DSCAM: variants seen among roughly 807,000 people sequenced by gnomAD.
The protein encoded by DSCAM is cell adhesion molecule DSCAM.
DSCAM carries 47 observed loss-of-function variants against 217.7 expected under a neutral mutation model. The observed-to-expected ratio is 0.22, with a 90% CI of 0.17 to 0.28. The LOEUF is 0.28. Ranked by LOEUF, DSCAM falls within the 10% of genes least tolerant of loss-of-function variation. The pLI is 1.00. For missense variants in DSCAM, 2,080 were observed against 2,618.3 expected (o/e 0.79, Z 4.49); for synonymous variants, 1,056 against 1,015.3 (o/e 1.04, Z -0.76).
chr21:40,734,881 A>C (rs913378263), intron 1 of DSCAM, among the ~76,000 whole-genome samples: 3 of 152,116 alleles, frequency 2.0e-5, no homozygotes, highest in Non-Finnish European at 4.4e-5. Context: ...GAATGTTCTC[A>C]TGTATTTATG....
intron 21 of DSCAM, among the ~76,000 whole-genome samples, chr21:40,092,029 C>G (rs1177756134): frequency 1.3e-5 from 2 of 152,166 alleles, no homozygotes; most frequent in Non-Finnish European, 2.9e-5. Flanking sequence ...AGGGAGTGAA[C>G]ACATCTCTTA....
At chr21:40,138,701 ATGTGTGGTG>A (rs567097048) in intron 18 of DSCAM, among the ~76,000 whole-genome samples, 168 of 124,922 alleles carry the variant, frequency 1.3e-3, no homozygotes, top group African/African-American at 5.0e-3. Context: ...TGTGTGGTGT[ATGTGTGGTG>A]TGTGTGGTGT....
At chr21:40,515,416 T>C (rs186450310) in intron 3 of DSCAM, among the ~76,000 whole-genome samples, 7 of 152,342 alleles carry the variant, frequency 4.6e-5, no homozygotes, top group East Asian at 1.9e-4. Flanking sequence ...AAAACACTTA[T>C]TGTTACTGCT....
intron 1 of DSCAM, among the ~76,000 whole-genome samples, chr21:40,815,180 G>T (rs994655693): frequency 6.6e-6 from 1 of 151,934 alleles, no homozygotes; most frequent in African/African-American, 2.4e-5. Flanking sequence ...AAAGAAAAAA[G>T]GTAACCCCAA....
At chr21:40,136,562 C>T (rs898991478) in intron 18 of DSCAM, among the ~76,000 whole-genome samples, 1 of 152,186 alleles carries the variant, frequency 6.6e-6, no homozygotes, top group Non-Finnish European at 1.5e-5. Context: ...GATTTAGAAA[C>T]TTCACTGTCA....
chr21:40,611,800 C>T (rs1347997528), intron 3 of DSCAM, among the ~76,000 whole-genome samples: 3 of 152,026 alleles, frequency 2.0e-5, no homozygotes, highest in Admixed American at 6.5e-5. Context: ...GAAGCATATA[C>T]TAAATCACAC....
chr21:40,778,420 G>C (rs1295184539), intron 1 of DSCAM, among the ~76,000 whole-genome samples: 1 of 152,188 alleles, frequency 6.6e-6, no homozygotes, highest in Non-Finnish European at 1.5e-5. Flanking sequence ...CCAGAAGCAT[G>C]TAGGTTTTGA....
intron 3 of DSCAM, among the ~76,000 whole-genome samples, chr21:40,654,950 G>T (rs958349746): frequency 1.3e-5 from 2 of 152,144 alleles, no homozygotes; most frequent in Non-Finnish European, 2.9e-5. Flanking sequence ...TCCACCAGGG[G>T]TTAAGGATAC....
intron 3 of DSCAM, among the ~76,000 whole-genome samples, chr21:40,498,233 T>C (rs2076134885): frequency 6.6e-6 from 1 of 152,160 alleles, no homozygotes; most frequent in African/African-American, 2.4e-5. Flanking sequence ...GTCAATTGTA[T>C]ATGAAGGCAA....
intron 11 of DSCAM, among the ~76,000 whole-genome samples, chr21:40,225,438 C>A (rs1428681388): frequency 6.6e-6 from 1 of 152,148 alleles, no homozygotes; most frequent in Non-Finnish European, 1.5e-5. Flanking sequence ...CACTCAAATA[C>A]TCTACAATTT....
intron 11 of DSCAM, among the ~76,000 whole-genome samples, chr21:40,199,692 G>A (rs1234315483): frequency 6.6e-6 from 1 of 152,018 alleles, no homozygotes; most frequent in Non-Finnish European, 1.5e-5. Context: ...TAGCCATTCT[G>A]ACTATTCTCA....
intron 15 of DSCAM, among the ~76,000 whole-genome samples, chr21:40,173,865 G>GTCAAA (rs779559253): frequency 2.4e-4 from 37 of 152,296 alleles, no homozygotes; most frequent in African/African-American, 7.9e-4. Flanking sequence ...CTGATGGTCT[G>GTCAAA]TCAAATTCAG....
chr21:40,409,692 G>T (rs955128073), intron 3 of DSCAM, among the ~76,000 whole-genome samples: 1 of 152,208 alleles, frequency 6.6e-6, no homozygotes, highest in African/African-American at 2.4e-5. Context: ...GTGAAAGTAT[G>T]TCTGAATATT....
chr21:40,353,330 G>C, intron 5 of DSCAM, 135 bp downstream of exon 5: 1 of 1,170,332 alleles, frequency 8.5e-7, no homozygotes, highest in Non-Finnish European at 1.2e-6. Flanking sequence ...TCTGTAAAAT[G>C]AGGTTTCTGT....
chr21:40,369,385 C>CGTGCGT (rs2074870629), intron 3 of DSCAM, 140 bp from the exon 4 acceptor site: 2 of 385,402 alleles, frequency 5.2e-6, no homozygotes, highest in Non-Finnish European at 9.0e-6. Context: ...CGTGCGTCTG[C>CGTGCGT]GTGTGTGTGT....
At position 40,055,721 on chromosome 21, in the gene DSCAM, T is replaced by A. The variant is rs766694863; in HGVS notation, c.5035+4A>T. 6.2e-7 allele frequency: 1 copy of A among 1,608,590 alleles called. No individual in the cohort carries two copies. Among genetic ancestry groups the A allele is most frequent in the South Asian group, 1.1e-5 (1 of 90,836 alleles). On this transcript the variant is annotated splice_donor_region_variant and intron_variant, in intron 29 of 32. Transcript: ENST00000400454. Reference sequence around the variant, plus strand: ...TGTGTAAAGTGGCAAATAGGGCAGCTTACCAATGGTCTCCATCGTGTCTCT... The same window carrying A: ...TGTGTAAAGTGGCAAATAGGGCAGCATACCAATGGTCTCCATCGTGTCTCT...
intron 3 of DSCAM, among the ~76,000 whole-genome samples, chr21:40,372,409 A>G (rs192061879): frequency 6.6e-6 from 1 of 152,322 alleles, no homozygotes; most frequent in East Asian, 1.9e-4. Context: ...TTGGAATACT[A>G]TTAGCATTTT....
chr21:40,378,328 T>C (rs1291646793), intron 3 of DSCAM, among the ~76,000 whole-genome samples: 1 of 152,120 alleles, frequency 6.6e-6, no homozygotes, highest in Non-Finnish European at 1.5e-5. Flanking sequence ...AAATAAGTGG[T>C]CTTGACAAAA....
At chr21:40,014,970 T>C (rs1303803202) in intron 32 of DSCAM, among the ~76,000 whole-genome samples, 1 of 152,188 alleles carries the variant, frequency 6.6e-6, no homozygotes, top group Non-Finnish European at 1.5e-5. Context: ...GGCACTGTGG[T>C]CTTCCAGATC....
Sources: allele counts gnomAD v4.1 joint callset (sites outside exome capture counted in the v4.1 genomes callset), GRCh38; gene constraint gnomAD v4.1.1; transcripts MANE v1.5; gene names NCBI Gene and HGNC (gene_info 2026-07-23, HGNC 2026-07-21).